ERC1: variants seen among roughly 807,000 people sequenced by gnomAD.
ERC1 encodes RAB6 interacting protein 2.
ERC1 carries 56 observed loss-of-function variants against 132.0 expected under a neutral mutation model. The ratio of observed to expected loss-of-function variants is 0.42; its 90% confidence interval spans 0.34 to 0.53. The LOEUF (loss-of-function observed/expected upper bound fraction) is 0.53, where lower values mean the gene tolerates loss of function less well. ERC1 is among the 20% of genes least tolerant of loss of function. ERC1 has a pLI of 0.03. For missense variants in ERC1, 1,202 were observed against 1,349.9 expected (o/e 0.89, Z 1.72); for synonymous variants, 478 against 476.1 (o/e 1.00, Z -0.05).
chr12:1,373,757 CAA>C (rs1159619164), intron 16 of ERC1, among the ~76,000 whole-genome samples: 5 of 151,976 alleles, frequency 3.3e-5, no homozygotes, highest in Non-Finnish European at 7.4e-5. Flanking sequence ...TCTAGCCTGA[CAA>C]GAGGACGAGA....
At chr12:1,222,224 C>CTTTTT (rs398116013) in intron 12 of ERC1, among the ~76,000 whole-genome samples, 2 of 145,958 alleles carry the variant, frequency 1.4e-5, no homozygotes, top group Admixed American at 6.8e-5. Flanking sequence ...TACATATTCT[C>CTTTTT]TTTTTTTTTT....
intron 5 of ERC1, 36 bp downstream of exon 5, chr12:1,110,383 G>A: frequency 6.5e-7 from 1 of 1,540,374 alleles, no homozygotes. Context: ...CTTAAAAGGA[G>A]TTTGAAAAAT....
rs2154374529 is a variant in ERC1, at chr12:1,371,758, G to A, written c.2781-75G>A. 31 of 1,498,202 alleles carry A rather than the reference G, an allele frequency of 2.1e-5. No homozygotes were observed. In the South Asian group the frequency reaches 3.6e-4, roughly 17 times the overall value. 92.8% of individuals were successfully genotyped at this position (1,498,202 alleles called of 1,614,324 possible). ...TTGGTTTTATTACCCTCAAAATGGGGGTACTGGTAATAGTAACTCCAAAGA... is the reference window on the plus strand; with the variant it reads ...TTGGTTTTATTACCCTCAAAATGGGAGTACTGGTAATAGTAACTCCAAAGA... On this transcript the variant is annotated intron_variant, in intron 15 of 18. Transcript: ENST00000360905.
chr12:1,012,817 T>A (rs1167063558), intron 1 of ERC1, among the ~76,000 whole-genome samples: 1 of 152,052 alleles, frequency 6.6e-6, no homozygotes, highest in Non-Finnish European at 1.5e-5. Context: ...GAATTCAGAA[T>A]TTTTTTCAGA....
rs189144732 is a variant in ERC1, at chr12:1,317,525, G to A, written c.2780+27513G>A. ...TGTAACAAACCTGCACGTTCTGCAC[G>A]TGTATCCCAGAACTTAAAGTATAAT... On this transcript the variant is annotated intron_variant, in intron 15 of 18. Coordinates refer to ENST00000360905, the MANE Select transcript of ERC1 (RefSeq NM_178040.4). Among the ~76,000 whole-genome samples the A allele has an allele frequency of 1.8e-3, 273 of 152,218 alleles. 1 individual carries two copies. Among genetic ancestry groups the A allele is most frequent in the Admixed American group, 4.7e-3 (72 of 15,280 alleles).
intron 2 of ERC1, among the ~76,000 whole-genome samples, chr12:1,063,331 C>T (rs1342830036): frequency 1.3e-5 from 2 of 152,066 alleles, no homozygotes; most frequent in Non-Finnish European, 2.9e-5. Flanking sequence ...CATGATCTTG[C>T]TTCACTGCAT....
In ERC1 at chr12:1,404,474, A is replaced by C. The variant is rs552080519; in HGVS notation, c.2926-3675A>C. ...AAAATCGATAGTTGGTCTCACAAGC[A>C]AAGTGTGCTGGGAGAGCAAAAACAG... On this transcript the variant is annotated intron_variant, in intron 16 of 18. Transcript: ENST00000360905. Among the ~76,000 whole-genome samples the C allele has an allele frequency of 3.2e-4, 49 of 152,244 alleles. 1 individual carries two copies. The South Asian group carries it at 1.0e-2, about 31-fold the overall frequency.
At chr12:1,061,326 G>A (rs1937828706) in intron 2 of ERC1, among the ~76,000 whole-genome samples, 3 of 151,940 alleles carry the variant, frequency 2.0e-5, no homozygotes, top group Admixed American at 6.6e-5. Flanking sequence ...GCTGGGCGTA[G>A]TGGGCCATGC....
intron 2 of ERC1, among the ~76,000 whole-genome samples, chr12:1,060,091 G>A (rs1973710067): frequency 1.3e-5 from 2 of 152,010 alleles, no homozygotes; most frequent in Admixed American, 1.3e-4. Context: ...TACTGAGACT[G>A]GAGAGAAAAA....
At chr12:1,462,935 CT>C (rs113827907) in intron 18 of ERC1, among the ~76,000 whole-genome samples, 3 of 150,108 alleles carry the variant, frequency 2.0e-5, no homozygotes, top group South Asian at 4.3e-4. Flanking sequence ...GTACAAATTT[CT>C]TTTTTTTTTC....
At chr12:1,386,646 C>A (rs537545636) in intron 16 of ERC1, 3 of 2,178 alleles carry the variant, frequency 1.4e-3, no homozygotes, top group Non-Finnish European at 2.3e-3. Context: ...AGCAAGACTT[C>A]GTCTCAAAAA....
chr12:1,040,659 C>G (rs1237047876), intron 2 of ERC1, among the ~76,000 whole-genome samples: 2 of 152,108 alleles, frequency 1.3e-5, no homozygotes, highest in African/African-American at 4.8e-5. Flanking sequence ...TAACGTAGAT[C>G]TTTTCCTTTG....
At chr12:1,185,344 GA>G (rs1954956502) in intron 11 of ERC1, among the ~76,000 whole-genome samples, 1 of 151,836 alleles carries the variant, frequency 6.6e-6, no homozygotes, top group Admixed American at 6.6e-5. Context: ...TGAGTTATCA[GA>G]ATTTTAAAAA....
chr12:1,160,900 A>G (rs1951824725), intron 8 of ERC1, among the ~76,000 whole-genome samples: 1 of 152,116 alleles, frequency 6.6e-6, no homozygotes, highest in Non-Finnish European at 1.5e-5. Context: ...CCAGCCTGAA[A>G]TTCCTTCTAA....
chr12:1,338,817 A>G (rs990169719), intron 15 of ERC1, among the ~76,000 whole-genome samples: 7 of 152,156 alleles, frequency 4.6e-5, no homozygotes, highest in African/African-American at 1.4e-4. Flanking sequence ...TAGGGGGCCA[A>G]CACTCAGCTC....
intron 14 of ERC1, among the ~76,000 whole-genome samples, chr12:1,280,580 A>G (rs958549154): frequency 2.0e-5 from 3 of 152,202 alleles, no homozygotes; most frequent in Non-Finnish European, 4.4e-5. Flanking sequence ...ACCTAGATGG[A>G]AGAAATTATT....
In ERC1 at chr12:1,447,029, G is replaced by GAA. The variant is rs761299655; in HGVS notation, c.3213+2291_3213+2292dup. Among the ~76,000 whole-genome samples the GAA allele has an allele frequency of 7.5e-3, 762 of 101,478 alleles. 7 individuals are homozygous for GAA. The highest frequency in any genetic ancestry group is 0.024 in the African/African-American group (709 of 29,892). 66.6% of individuals were successfully genotyped at this position (101,478 alleles called of 152,430 possible). ...CAAAGTGAGACCCTGTCTCTAAAAC[G>GAA]AAAAAAAAAAAAAGGACAGTATTAA... On this transcript the variant is annotated intron_variant, in intron 18 of 18. Transcript: ENST00000360905.
intron 18 of ERC1, among the ~76,000 whole-genome samples, chr12:1,455,571 G>A (rs749584194): frequency 1.2e-4 from 19 of 152,140 alleles, no homozygotes; most frequent in African/African-American, 2.4e-4. Flanking sequence ...CCCTGTTGCC[G>A]TCTGTGGGAC....
intron 8 of ERC1, among the ~76,000 whole-genome samples, chr12:1,167,717 CT>C (rs755716154): frequency 0.016 from 2,209 of 136,334 alleles, 54 homozygotes; most frequent in African/African-American, 0.049. Flanking sequence ...TTTTTCTTTT[CT>C]TTTTTTTTTT....
Sources: gnomAD v4.1 joint callset for allele counts (sites outside exome capture counted in the v4.1 genomes callset) on GRCh38, gnomAD v4.1.1 for gene constraint, MANE v1.5 for transcripts, NCBI Gene and HGNC (gene_info 2026-07-23, HGNC 2026-07-21) for gene names.